DLGAP2: variants seen among roughly 807,000 people sequenced by gnomAD.
The protein encoded by DLGAP2 is disks large-associated protein 2.
In DLGAP2, 26 loss-of-function variants were observed where a neutral mutation model predicts 100.3. That is an observed-to-expected ratio of 0.26 (90% confidence interval 0.19 to 0.36). The LOEUF (loss-of-function observed/expected upper bound fraction) is 0.36. Among genes scored for constraint, DLGAP2 ranks in the 10% least tolerant of loss-of-function variants. The pLI is 1.00. For missense variants in DLGAP2, 1,858 were observed against 1,453.2 expected, an observed-to-expected ratio of 1.28 and a Z score of -4.53; for synonymous variants, 886 against 630.1, an observed-to-expected ratio of 1.41 and a Z score of -6.08.
At chr8:990,073 A>G (rs1017808359) in intron 2 of DLGAP2, among the ~76,000 whole-genome samples, 2 of 152,078 alleles carry the variant, frequency 1.3e-5, no homozygotes, top group Non-Finnish European at 2.9e-5. Context: ...TTCCCACTGT[A>G]GAATTTCATG....
intron 2 of DLGAP2, among the ~76,000 whole-genome samples, chr8:1,158,685 C>T (rs1287620015): frequency 2.6e-5 from 4 of 152,228 alleles, no homozygotes; most frequent in African/African-American, 4.8e-5. Context: ...TGAGTGACGC[C>T]GTCCACGGCA....
intron 3 of DLGAP2, chr8:1,369,464 G>A (rs1307406800): frequency 2.0e-5 from 3 of 152,270 alleles, no homozygotes; most frequent in Middle Eastern, 6.7e-3. Flanking sequence ...AGGTCCTGGG[G>A]GTTAGGAATC....
intron 6 of DLGAP2, among the ~76,000 whole-genome samples, chr8:1,596,910 C>G (rs1258362844): frequency 2.0e-5 from 3 of 152,098 alleles, no homozygotes; most frequent in Non-Finnish European, 4.4e-5. Context: ...TGCCATTGCT[C>G]TTGGTGTTTT....
intron 3 of DLGAP2, among the ~76,000 whole-genome samples, chr8:1,433,738 CTT>C (rs3052055): frequency 9.6e-4 from 119 of 124,188 alleles, no homozygotes; most frequent in East Asian, 2.6e-3. Flanking sequence ...GCAAAACTGG[CTT>C]TTTTTTTTTT....
In DLGAP2 at chr8:1,227,153, GAT is replaced by G. The variant is rs759172816; in HGVS notation, c.74-31678_74-31677del. Among the ~76,000 whole-genome samples, 326 of 89,556 alleles carry G rather than the reference GAT, an allele frequency of 3.6e-3. 32 individuals carry two copies. The highest frequency in any genetic ancestry group is 6.6e-3 in the African/African-American group (101 of 15,330). The allele number at this position is 89,556 out of a possible 152,430, so 58.8% of individuals were successfully genotyped here. ...AAATGAATGGGTAAGGAAACTGTGAGATATATATATATATATATATAGTATAG... is the reference window on the plus strand; with the variant it reads ...AAATGAATGGGTAAGGAAACTGTGAGATATATATATATATATATAGTATAG... On this transcript the variant is annotated intron_variant, in intron 2 of 14. Coordinates refer to ENST00000637795, the MANE Select transcript of DLGAP2 (RefSeq NM_001346810.2).
intron 2 of DLGAP2, among the ~76,000 whole-genome samples, chr8:997,741 A>G (rs1305994552): frequency 6.6e-6 from 1 of 152,222 alleles, no homozygotes; most frequent in Non-Finnish European, 1.5e-5. Flanking sequence ...ATTTTTGAAA[A>G]ATGAAAGTAC....
At chr8:1,172,183 C>A (rs973590053) in intron 2 of DLGAP2, among the ~76,000 whole-genome samples, 18 of 152,062 alleles carry the variant, frequency 1.2e-4, no homozygotes, top group African/African-American at 4.3e-4. Flanking sequence ...GTTGAAAATT[C>A]TTTTCTTTAA....
At chr8:813,323 A>G (rs1312693320) in intron 1 of DLGAP2, among the ~76,000 whole-genome samples, 1 of 152,156 alleles carries the variant, frequency 6.6e-6, no homozygotes, top group Non-Finnish European at 1.5e-5. Flanking sequence ...ATTTATGGAT[A>G]TAAATTAGGT....
intron 8 of DLGAP2, among the ~76,000 whole-genome samples, chr8:1,657,791 A>G (rs1798317481): frequency 6.6e-6 from 1 of 152,264 alleles, no homozygotes. Flanking sequence ...TTTTTAAAAT[A>G]TAGAAATCAA....
intron 2 of DLGAP2, among the ~76,000 whole-genome samples, chr8:1,076,863 G>GC (rs1479702076): frequency 1.4e-5 from 2 of 141,022 alleles, no homozygotes; most frequent in Admixed American, 7.1e-5. Flanking sequence ...TCTGTCCTGG[G>GC]CCCCCCCAAT....
At chr8:1,648,317 C>T (rs1177605485) in intron 8 of DLGAP2, among the ~76,000 whole-genome samples, 1 of 152,212 alleles carries the variant, frequency 6.6e-6, no homozygotes, top group African/African-American at 2.4e-5. Context: ...CAGGGGCACC[C>T]ATGCATCCTT....
chr8:1,686,378 T>C (rs1219693624), intron 12 of DLGAP2, among the ~76,000 whole-genome samples: 2 of 152,188 alleles, frequency 1.3e-5, no homozygotes, highest in Non-Finnish European at 2.9e-5. Flanking sequence ...CACTCTGATG[T>C]AGAGCTCAGG....
intron 6 of DLGAP2, among the ~76,000 whole-genome samples, chr8:1,593,194 C>G (rs1796342101): frequency 6.6e-6 from 1 of 152,130 alleles, no homozygotes; most frequent in Non-Finnish European, 1.5e-5. Flanking sequence ...GTGGCTCACT[C>G]CTGTAATCCC....
At chr8:1,228,487 C>G (rs551704809) in intron 2 of DLGAP2, among the ~76,000 whole-genome samples, 1 of 152,236 alleles carries the variant, frequency 6.6e-6, no homozygotes, top group South Asian at 2.1e-4. Context: ...ATACTAAAAC[C>G]ATACAATGAC....
intron 2 of DLGAP2, among the ~76,000 whole-genome samples, chr8:921,761 TC>T (rs1230844158): frequency 1.3e-5 from 2 of 152,240 alleles, no homozygotes; most frequent in African/African-American, 4.8e-5. Context: ...TCGGGCCGCC[TC>T]CCATTGAGCC....
At chr8:855,166 G>A (rs959162455) in intron 1 of DLGAP2, among the ~76,000 whole-genome samples, 26 of 152,320 alleles carry the variant, frequency 1.7e-4, no homozygotes, top group African/African-American at 3.4e-4. Flanking sequence ...ACGTGGGCAC[G>A]AAGATTTTTA....
intron 2 of DLGAP2, among the ~76,000 whole-genome samples, chr8:1,073,804 C>T (rs544000987): frequency 6.6e-6 from 1 of 152,328 alleles, no homozygotes; most frequent in Admixed American, 6.5e-5. Context: ...TCTTTTCACA[C>T]GTGGATATTT....
chr8:1,530,830 C>A (rs1014810023), intron 4 of DLGAP2, among the ~76,000 whole-genome samples: 1 of 152,190 alleles, frequency 6.6e-6, no homozygotes, highest in Non-Finnish European at 1.5e-5. Flanking sequence ...CACGTGCATA[C>A]CTTCCCCACT....
intron 8 of DLGAP2, among the ~76,000 whole-genome samples, chr8:1,640,670 T>C (rs13276938): frequency 0.19 from 29,111 of 151,940 alleles, 2,853 homozygotes; most frequent in Middle Eastern, 0.37. Context: ...TTCAGAGGCT[T>C]GTACCCGGGA....
Sources: gnomAD v4.1 joint callset for allele counts (sites outside exome capture counted in the v4.1 genomes callset) on GRCh38, gnomAD v4.1.1 for gene constraint, MANE v1.5 for transcripts, NCBI Gene and HGNC (gene_info 2026-07-23, HGNC 2026-07-21) for gene names.